MICALL2: variants seen among roughly 807,000 people sequenced by gnomAD.
MICALL2 encodes MICAL like 2.
Under a neutral mutation model 91.1 loss-of-function variants are expected in MICALL2, and 111 were observed. The ratio of observed to expected loss-of-function variants is 1.22; its 90% CI spans 1.04 to 1.43. The LOEUF is 1.43. Ranked by LOEUF, MICALL2 falls within the 40% of genes most tolerant of loss-of-function variation. MICALL2 has a pLI of 0.00. For missense variants in MICALL2, 1,556 were observed against 1,236.0 expected (o/e 1.26, Z -3.88); for synonymous variants, 694 against 525.3 (o/e 1.32, Z -4.39).
chr7:1,437,916 C>A lies in MICALL2; in HGVS notation c.2376G>T (p.Leu792=). ...FWLIHEKQLL[L]RQESELMYKS... ...TGTACATCAGCTCTGACTCCTGTCTCAGCAGAAGCTGCTTCTCGTGAATGA... is the reference window on the plus strand; with the variant it reads ...TGTACATCAGCTCTGACTCCTGTCTAAGCAGAAGCTGCTTCTCGTGAATGA... Residue 792 remains leucine (L), a synonymous_variant, in exon 13 of 17, where the codon CTG becomes CTT. Coordinates refer to ENST00000297508, the MANE Select transcript of MICALL2 (RefSeq NM_182924.4). 6.5e-7 allele frequency: 1 copy of A among 1,549,388 alleles called. No individual in the cohort carries two copies. The highest frequency in any genetic ancestry group is 8.7e-7 in the Non-Finnish European group (1 of 1,146,898).
In MICALL2 at chr7:1,448,685, G is replaced by C. The variant is rs905089706; in HGVS notation, c.269C>G (p.Pro90Arg). 1.2e-6 allele frequency: 2 copies of C among 1,612,710 alleles called. No homozygotes were observed. The highest frequency in any genetic ancestry group is 2.7e-5 in the African/African-American group (2 of 74,956). The change falls in exon 3 of 17, where the codon CCT becomes CGT. Residue 90 changes from proline (P) to arginine (R), a missense_variant. Transcript: ENST00000297508. ...GTAGGTCAAGATGCTCAGCCGGTCA[G>C]GCACCTTCAAGGCCACCATGTCCTC... is the stretch of plus-strand genomic sequence containing the variant. ...DAEDMVALKV[P>R]DRLSILTYVS...
chr7:1,436,708 T>C (rs1433143393), intron 15 of MICALL2, 34 bp downstream of exon 15: 2 of 1,551,082 alleles, frequency 1.3e-6, no homozygotes, highest in Middle Eastern at 2.1e-4. Context: ...CGACCTGGCC[T>C]GGCTGGGAGG....
Position 1,452,970 on chromosome 7 carries a change from C to T in MICALL2, c.144-2682G>A, listed in dbSNP as rs867708477. On this transcript the variant is annotated intron_variant, in intron 1 of 16. Transcript: ENST00000297508. This position sits in a 1 kb window ranked among gnomAD's most constrained non-coding sequence, Gnocchi z 6.2. ...GCACAGAACAGCTTTTCCCACACTC[C>T]GCCCGATGCACCCGCCAGGCCCTCC... is the stretch of plus-strand genomic sequence containing the variant. Among the ~76,000 whole-genome samples the T allele has an allele frequency of 2.0e-5, 3 of 151,966 alleles. No homozygotes were observed. The highest frequency in any genetic ancestry group is 4.8e-5 in the African/African-American group (2 of 41,360).
At position 1,437,909 on chromosome 7, in the gene MICALL2, C is replaced by A; in HGVS notation, c.2383G>T (p.Glu795Ter). The change falls in exon 13 of 17, where the codon GAG becomes TAG. Residue 795 changes from glutamate to a stop codon, truncating the protein, a stop_gained. Transcript: ENST00000297508. LOFTEE classifies it high-confidence loss of function. ...IHEKQLLLRQ[E>*]SELMYKSKAQ... ...TCTCACTTGTACATCAGCTCTGACTCCTGTCTCAGCAGAAGCTGCTTCTCG... is the reference window on the plus strand; with the variant it reads ...TCTCACTTGTACATCAGCTCTGACTACTGTCTCAGCAGAAGCTGCTTCTCG... The A allele has an allele frequency of 1.3e-6, 2 of 1,549,244 alleles. No individual in the cohort carries two copies. Among genetic ancestry groups the A allele is most frequent in the Non-Finnish European group, 1.7e-6 (2 of 1,146,852 alleles).
intron 13 of MICALL2, 124 bp from the exon 14 acceptor site, chr7:1,437,732 C>CT (rs1474810034): frequency 2.4e-6 from 3 of 1,251,932 alleles, no homozygotes; most frequent in African/African-American, 1.5e-5. Flanking sequence ...ACTCGCCGCC[C>CT]GTCCCCCGCC....
chr7:1,438,896 G>A lies in MICALL2; in HGVS notation c.2066C>T (p.Ala689Val), dbSNP rs1562448961. Reference sequence around the variant, plus strand: ...CTCCTCCTTCCAGCTCTGCACTCGGGCTTCCTGGCCAGGGGGCTCCGGCCG... The same window carrying A: ...CTCCTCCTTCCAGCTCTGCACTCGGACTTCCTGGCCAGGGGGCTCCGGCCG... ...WLRPEPPGQE[A>V]RVQSWKEEEK... The change falls in exon 10 of 17, where the codon GCC (alanine) becomes GTC (valine). Residue 689 changes from alanine to valine, a missense_variant. Ala to Val is a moderately conservative substitution (Grantham distance 64). Transcript: ENST00000297508. The A allele has an allele frequency of 6.2e-7, 1 of 1,610,498 alleles. No individual in the cohort carries two copies. The highest frequency in any genetic ancestry group is 8.5e-7 in the Non-Finnish European group (1 of 1,179,512).
At position 1,438,199 on chromosome 7, in the gene MICALL2, G is replaced by C; in HGVS notation, c.2209C>G (p.Pro737Ala). ...PVRLHPDYLS[P>A]EEIQRQLQDI... is the part of the protein sequence containing the mutation. ...TGCAGCTGCCTCTGTATCTCCTCCGGGGAGAGGTAGTCGGGGTGCAGCTGG... is the reference window on the plus strand; with the variant it reads ...TGCAGCTGCCTCTGTATCTCCTCCGCGGAGAGGTAGTCGGGGTGCAGCTGG... The change falls in exon 12 of 17, where the codon CCG (proline) becomes GCG (alanine). Residue 737 changes from proline to alanine, a missense_variant. Coordinates refer to ENST00000297508, the MANE Select transcript of MICALL2 (RefSeq NM_182924.4). The C allele has an allele frequency of 6.3e-7, 1 of 1,582,884 alleles. No individual in the cohort carries two copies. Among genetic ancestry groups the C allele is most frequent in the Non-Finnish European group, 8.6e-7 (1 of 1,164,540 alleles).
rs1053979363 is a variant in MICALL2 at position 1,459,235 on chromosome 7, C to A, written c.92G>T (p.Arg31Leu). The part of the protein sequence containing the change: ...VNICNMTTSF[R>L]DGLAFCAILH... Reference sequence around the variant, plus strand: ...GATGGCGCAGAAAGCCAGGCCGTCGCGGAACGACGTGGTCATGTTGCAGAT... The same window carrying A: ...GATGGCGCAGAAAGCCAGGCCGTCGAGGAACGACGTGGTCATGTTGCAGAT... Residue 31 changes from arginine to leucine, a missense_variant, in exon 1 of 17, where the codon CGC (arginine) becomes CTC (leucine). By Grantham distance (102) the Arg-to-Leu change is moderately radical (BLOSUM62 -2). Transcript: ENST00000297508. 3 of 1,610,928 alleles carry A rather than the reference C, an allele frequency of 1.9e-6. No homozygotes were observed. The African/African-American group carries it at 4.0e-5, about 22-fold the overall frequency.
chr7:1,446,034 G>A (rs1440894724), intron 5 of MICALL2, among the ~76,000 whole-genome samples: 3 of 146,688 alleles, frequency 2.0e-5, no homozygotes, highest in Non-Finnish European at 3.0e-5. Context: ...GGCACTGGAG[G>A]AGGCATCTGG....
rs1562464165 is a variant in MICALL2 at position 1,448,708 on chromosome 7, C to T, written c.246G>A (p.Glu82=). The change falls in exon 3 of 17, where the codon GAG becomes GAA. Residue 82 remains glutamate (E), a synonymous_variant. Coordinates refer to ENST00000297508, the MANE Select transcript of MICALL2 (RefSeq NM_182924.4). ...HLGIPALLDA[E]DMVALKVPDR... ...CAGGCACCTTCAAGGCCACCATGTC[C>T]TCGGCATCCAGCAAGGCTGGGATGC... 1.2e-6 allele frequency: 2 copies of T among 1,612,802 alleles called. No individual in the cohort carries two copies. Among genetic ancestry groups the T allele is most frequent in the East Asian group, 4.5e-5 (2 of 44,862 alleles).
At chr7:1,437,866 A>G (rs1372878523) in intron 13 of MICALL2, 24 bp downstream of exon 13, 2 of 1,543,194 alleles carry the variant, frequency 1.3e-6, no homozygotes, top group East Asian at 4.9e-5. Flanking sequence ...GCCTTCGAGG[A>G]GGGGCCCACG....
intron 1 of MICALL2, among the ~76,000 whole-genome samples, chr7:1,450,806 C>A (rs529339724): frequency 6.6e-6 from 1 of 152,334 alleles, no homozygotes; most frequent in South Asian, 2.1e-4. Flanking sequence ...GCCCCGGATC[C>A]ACCTCGTCCC....
intron 5 of MICALL2, 29 bp downstream of exon 5, chr7:1,446,682 ACT>A: frequency 6.7e-7 from 1 of 1,494,632 alleles, no homozygotes; most frequent in Non-Finnish European, 9.1e-7. Context: ...GGAGGTGCAC[ACT>A]CAGGCGTGCG....
intron 5 of MICALL2, 179 bp downstream of exon 5, chr7:1,446,534 A>C: frequency 2.0e-6 from 1 of 500,626 alleles, no homozygotes; most frequent in Non-Finnish European, 3.6e-6. Flanking sequence ...GAAGGGGAGG[A>C]GAGGGGAGGA....
intron 15 of MICALL2, 70 bp from the exon 16 acceptor site, chr7:1,435,217 G>C: frequency 1.3e-6 from 2 of 1,521,530 alleles, no homozygotes; most frequent in South Asian, 1.1e-5. Context: ...CCTCCGGACA[G>C]TCTCCAGCAG....
At chr7:1,436,262 G>A (rs901493106) in intron 15 of MICALL2, among the ~76,000 whole-genome samples, 3 of 151,906 alleles carry the variant, frequency 2.0e-5, no homozygotes, top group Non-Finnish European at 4.4e-5. Flanking sequence ...ATGGTGGTGC[G>A]AGCTTGCTAC....
rs149753892 is a variant in MICALL2, at chr7:1,448,683, C to G, written c.271G>C (p.Asp91His). 90 of 1,612,828 alleles carry G rather than the reference C, an allele frequency of 5.6e-5. No individual in the cohort carries two copies. The African/African-American group carries it at 1.1e-3, about 20-fold the overall frequency. ...AEDMVALKVP[D>H]RLSILTYVSQ... ...ACGTAGGTCAAGATGCTCAGCCGGT[C>G]AGGCACCTTCAAGGCCACCATGTCC... is the stretch of plus-strand genomic sequence containing the variant. The change falls in exon 3 of 17, where the codon GAC becomes CAC. Residue 91 changes from aspartate to histidine, a missense_variant. Asp to His is a moderately conservative substitution (Grantham distance 81). Transcript: ENST00000297508.
Position 1,442,457 on chromosome 7 carries a change from G to A in MICALL2, c.1446C>T (p.Pro482=). 6.5e-7 allele frequency: 1 copy of A among 1,542,768 alleles called. No homozygotes were observed. Residue 482 remains proline (P), a synonymous_variant, in exon 7 of 17, where the codon CCC becomes CCT. Transcript: ENST00000297508. ...GTGCTTCAGTTTTGGGCTGAGAACTGGGAACAGCGGCAGTGGCTGGGGAGG... is the reference window on the plus strand; with the variant it reads ...GTGCTTCAGTTTTGGGCTGAGAACTAGGAACAGCGGCAGTGGCTGGGGAGG... ...GRPSPATAAV[P]SSQPKTEAPQ...
rs925119065 is a variant in MICALL2 at position 1,446,824 on chromosome 7, T to C, written c.530A>G (p.Gln177Arg). 1.9e-6 allele frequency: 3 copies of C among 1,586,776 alleles called. No individual in the cohort carries two copies. Among genetic ancestry groups the C allele is most frequent in the Non-Finnish European group, 1.7e-6 (2 of 1,166,570 alleles). The stretch of plus-strand genomic sequence containing the variant: ...GCTGACCAAGCTGCCCGCCAATGCC[T>C]GGTCCTGGGGAAGATGCCAGCACCT... Reference protein sequence around the residue: ...GAGGPPPKTDQALAGSLVSST... With the variant: ...GAGGPPPKTDRALAGSLVSST... The change falls in exon 5 of 17, where the codon CAG becomes CGG. Residue 177 changes from glutamine (Q) to arginine (R), a missense_variant. Gln to Arg is a conservative substitution (Grantham distance 43). Transcript: ENST00000297508.
Sources: allele counts gnomAD v4.1 joint callset (sites outside exome capture counted in the v4.1 genomes callset), GRCh38; gene constraint gnomAD v4.1.1; non-coding constraint Gnocchi (gnomAD v3.1); transcripts MANE v1.5; gene names NCBI Gene and HGNC (gene_info 2026-07-23, HGNC 2026-07-21).